Variants in RNPEPL1 observed in about 807,000 individuals in gnomAD.
The protein encoded by RNPEPL1 is arginyl aminopeptidase like 1, also known as aminopeptidase RNPEPL1.
RNPEPL1 carries 46 observed loss-of-function variants against 69.0 expected under a neutral mutation model. That is an observed-to-expected ratio of 0.67 (90% confidence interval 0.53 to 0.85). The LOEUF is 0.85. Among genes scored for constraint, RNPEPL1 ranks in the 40% least tolerant of loss-of-function variants. The probability of loss-of-function intolerance (pLI) is 0.00; values close to 1 mark genes in which losing one functional copy is unlikely to be tolerated. For synonymous variants in RNPEPL1, 525 were observed against 454.1 expected, an observed-to-expected ratio of 1.16 and a Z score of -1.98; for missense variants, 869 against 992.5, an observed-to-expected ratio of 0.88 and a Z score of 1.67.
Position 240,578,028 on chromosome 2 carries a change from A to AG in RNPEPL1, c.*138dup. The stretch of plus-strand genomic sequence containing the variant: ...ACAAGCCCCTCCCCTGGGCTCTCCC[A>AG]GGCAGGGAGAATGGGGAGAGGGACC... On this transcript the variant is annotated 3_prime_UTR_variant, in exon 11 of 11. Transcript: ENST00000270357. 1 of 862,982 alleles carries AG rather than the reference A, an allele frequency of 1.2e-6. No homozygotes were observed. The highest frequency in any genetic ancestry group is 1.6e-6 in the Non-Finnish European group (1 of 608,040). 53.5% of individuals were successfully genotyped at this position (862,982 alleles called of 1,614,324 possible).
chr2:240,573,811 G>C lies in RNPEPL1; in HGVS notation c.858G>C (p.Thr286=). ...RVWAEPCLLP[T]ATSKLSGAVE... ...GGGCCGAGCCATGCCTCCTGCCCAC[G>C]GCCACCAGCAAGCTGTCGGGCGCAG... The change falls in exon 4 of 11, where the codon ACG becomes ACC. Residue 286 remains threonine, a synonymous_variant. Transcript: ENST00000270357. 1.3e-6 allele frequency: 2 copies of C among 1,549,784 alleles called. No individual in the cohort carries two copies. The highest frequency in any genetic ancestry group is 1.7e-6 in the Non-Finnish European group (2 of 1,146,608).
chr2:240,570,678 C>CCCCCA (rs1446358247), intron 1 of RNPEPL1, among the ~76,000 whole-genome samples: 5 of 152,182 alleles, frequency 3.3e-5, no homozygotes, highest in Non-Finnish European at 1.5e-5. Context: ...CATTCCCGCA[C>CCCCCA]CCCCACCCCA....
chr2:240,571,766 C>G (rs927449678), intron 1 of RNPEPL1, among the ~76,000 whole-genome samples: 1 of 151,814 alleles, frequency 6.6e-6, no homozygotes, highest in Non-Finnish European at 1.5e-5. Context: ...CCGCAGCCCC[C>G]GGCCTCCAGG....
In RNPEPL1 at chr2:240,578,145, CCT is replaced by C; in HGVS notation, c.*255_*256del. 2.6e-6 allele frequency: 1 copy of C among 386,366 alleles called. No individual in the cohort carries two copies. Among genetic ancestry groups the C allele is most frequent in the Non-Finnish European group, 4.6e-6 (1 of 216,246 alleles). 23.9% of individuals were successfully genotyped at this position (386,366 alleles called of 1,614,324 possible). ...CTGGGGCCAGCCCGCACACACCATG[CCT>C]CCTGTCTCAACACTGACAGCTGTGC... On this transcript the variant is annotated 3_prime_UTR_variant, in exon 11 of 11. Transcript: ENST00000270357.
chr2:240,568,857 C>G lies in RNPEPL1; in HGVS notation c.271C>G (p.Arg91Gly). Residue 91 changes from arginine to glycine, a missense_variant, in exon 1 of 11, where the codon CGT (arginine) becomes GGT (glycine). Physicochemically the swap from Arg to Gly is moderately radical, Grantham distance 125. This residue lies in a region of RNPEPL1 where 259 missense variants were observed against 201.5 expected (regional missense o/e 1.29). Transcript: ENST00000270357. This position sits in a 1 kb window ranked among gnomAD's most constrained non-coding sequence, Gnocchi z 6.2. ...PALRLHSAAFRRAPAAAAETP... is the reference protein window; with the variant it reads ...PALRLHSAAFGRAPAAAAETP... ...TCTGCGCCTGCACTCAGCCGCCTTC[C>G]GTCGCGCCCCCGCCGCCGCCGCCGA... 8.4e-7 allele frequency: 1 copy of G among 1,197,304 alleles called. No homozygotes were observed. The highest frequency in any genetic ancestry group is 1.0e-6 in the Non-Finnish European group (1 of 960,612). 74.2% of individuals were successfully genotyped at this position (1,197,304 alleles called of 1,614,324 possible). A position where few individuals can be genotyped will look rare whatever the true frequency, so the allele number is the denominator to read the frequency against.
intron 1 of RNPEPL1, among the ~76,000 whole-genome samples, chr2:240,571,974 T>G (rs1204361731): frequency 6.6e-6 from 1 of 152,168 alleles, no homozygotes; most frequent in African/African-American, 2.4e-5. Context: ...ATCAGGAGGC[T>G]CTGGCTTCCC....
Position 240,574,359 on chromosome 2 carries a change from G to A in RNPEPL1, c.1174+11G>A, listed in dbSNP as rs955385915. ...CCACCGAGACCTACGGTGCGGCCAG[G>A]GCCGGGGAGGGCAGCCACGGGGGGC... is the stretch of plus-strand genomic sequence containing the variant. On this transcript the variant is annotated intron_variant, in intron 5 of 10. Coordinates refer to ENST00000270357, the MANE Select transcript of RNPEPL1 (RefSeq NM_018226.6). The A allele has an allele frequency of 1.9e-6, 3 of 1,591,440 alleles. No homozygotes were observed. Among genetic ancestry groups the A allele is most frequent in the Admixed American group, 1.7e-5 (1 of 59,348 alleles).
intron 3 of RNPEPL1, 56 bp downstream of exon 3, chr2:240,573,317 C>T (rs949474535): frequency 3.3e-6 from 5 of 1,503,500 alleles, no homozygotes; most frequent in South Asian, 1.3e-5. Context: ...GAGAGCCCCA[C>T]CGGGGGTCTG....
At chr2:240,571,513 TC>T (rs1372991299) in intron 1 of RNPEPL1, among the ~76,000 whole-genome samples, 3 of 151,922 alleles carry the variant, frequency 2.0e-5, no homozygotes, top group African/African-American at 7.3e-5. Flanking sequence ...AGGGTCCCCC[TC>T]CCAGACTCTG....
chr2:240,568,634 G>A lies in RNPEPL1; in HGVS notation c.48G>A (p.Ala16=), dbSNP rs2093011145. Residue 16 remains alanine (A), a synonymous_variant, in exon 1 of 11, where the codon GCG becomes GCA. Coordinates refer to ENST00000270357, the MANE Select transcript of RNPEPL1 (RefSeq NM_018226.6). This position sits in a 1 kb window ranked among gnomAD's most constrained non-coding sequence, Gnocchi z 6.2. ...CCRQAPGAEA[A]PVRPPPEPPP... ...GCCAGGCGCCCGGCGCCGAGGCCGC[G>A]CCCGTCCGCCCGCCGCCCGAGCCGC... 2.0e-6 allele frequency: 2 copies of A among 995,784 alleles called. No homozygotes were observed. Among genetic ancestry groups the A allele is most frequent in the Non-Finnish European group, 2.4e-6 (2 of 842,258 alleles). 61.7% of individuals were successfully genotyped at this position (995,784 alleles called of 1,614,324 possible). A position where few individuals can be genotyped will look rare whatever the true frequency, so the allele number is the denominator to read the frequency against.
intron 1 of RNPEPL1, among the ~76,000 whole-genome samples, chr2:240,570,749 T>C (rs1252298094): frequency 6.6e-6 from 1 of 152,120 alleles, no homozygotes; most frequent in African/African-American, 2.4e-5. Context: ...GCCTTGTTCC[T>C]TTTCCACCAG....
intron 4 of RNPEPL1, 103 bp from the exon 5 acceptor site, chr2:240,574,010 C>T: frequency 7.2e-7 from 1 of 1,393,666 alleles, no homozygotes. Context: ...GAGCTCACCG[C>T]AGGGGCTGGG....
Position 240,577,045 on chromosome 2 carries a change from G to A in RNPEPL1, c.1884+55G>A. The A allele has an allele frequency of 2.5e-6, 4 of 1,602,430 alleles. No homozygotes were observed. The African/African-American group carries it at 4.0e-5, about 16-fold the overall frequency. ...GGAACGGCCTAGCCGTGCGGACTGG[G>A]AGTCCCACCCGACTCCCTAGTCTGA... On this transcript the variant is annotated intron_variant, in intron 10 of 10. Coordinates refer to ENST00000270357, the MANE Select transcript of RNPEPL1 (RefSeq NM_018226.6).
chr2:240,572,146 C>T (rs1242307475), intron 1 of RNPEPL1, among the ~76,000 whole-genome samples: 1 of 152,262 alleles, frequency 6.6e-6, no homozygotes, highest in Admixed American at 6.5e-5. Context: ...TGGGAGATGC[C>T]CCTATCGGCT....
chr2:240,573,964 T>A, intron 4 of RNPEPL1, 73 bp downstream of exon 4: 4 of 1,427,452 alleles, frequency 2.8e-6, no homozygotes, highest in Non-Finnish European at 3.8e-6. Context: ...GTCTGACCCC[T>A]GGGGTGTCCT....
At position 240,576,722 on chromosome 2, in the gene RNPEPL1, A is replaced by G. The variant is rs1428937695; in HGVS notation, c.1698A>G (p.Ala566=). 5 of 1,612,548 alleles carry G rather than the reference A, an allele frequency of 3.1e-6. No individual in the cohort carries two copies. The African/African-American group carries it at 6.7e-5, about 22-fold the overall frequency. Reference sequence around the variant, plus strand: ...CCAAGTGGAGGACCTTCCAGACAGCACTCTTCCTGGACCGGCTCCTGGATG... The same window carrying G: ...CCAAGTGGAGGACCTTCCAGACAGCGCTCTTCCTGGACCGGCTCCTGGATG... ...DISKWRTFQT[A]LFLDRLLDGS... The change falls in exon 9 of 11, where the codon GCA becomes GCG. Residue 566 remains alanine (A), a synonymous_variant. Coordinates refer to ENST00000270357, the MANE Select transcript of RNPEPL1 (RefSeq NM_018226.6).
chr2:240,572,673 A>AG, intron 2 of RNPEPL1, 110 bp downstream of exon 2: 1 of 1,355,370 alleles, frequency 7.4e-7, no homozygotes, highest in Non-Finnish European at 1.0e-6. Context: ...AGCTGCCAGC[A>AG]GGCCACAGTG....
At chr2:240,575,719 C>T (rs929906401) in intron 8 of RNPEPL1, 109 bp downstream of exon 8, 7 of 806,450 alleles carry the variant, frequency 8.7e-6, no homozygotes, top group African/African-American at 8.5e-5. Context: ...TGTCAGTTCA[C>T]TGTCTGTCCT....
Position 240,569,018 on chromosome 2 carries a change from C to T in RNPEPL1, c.432C>T (p.Asp144=), listed in dbSNP as rs2093013341. 1.3e-6 allele frequency: 2 copies of T among 1,510,388 alleles called. No individual in the cohort carries two copies. Among genetic ancestry groups the T allele is most frequent in the South Asian group, 2.4e-5 (2 of 82,236 alleles). 93.6% of individuals were successfully genotyped at this position (1,510,388 alleles called of 1,614,324 possible). The change falls in exon 1 of 11, where the codon GAC becomes GAT. Residue 144 remains aspartate (D), a synonymous_variant. Transcript: ENST00000270357. ...PLAFRVDPFT[D]YGSSLTVTLP... ...CCTTCAGGGTGGACCCGTTCACCGA[C>T]TACGGCTCCTCGCTCACCGTCACGC... is the stretch of plus-strand genomic sequence containing the variant.
Sources: allele counts gnomAD v4.1 joint callset (sites outside exome capture counted in the v4.1 genomes callset), GRCh38; gene constraint gnomAD v4.1.1; regional missense constraint gnomAD v4.1.1; non-coding constraint Gnocchi (gnomAD v3.1); transcripts MANE v1.5; gene names NCBI Gene and HGNC (gene_info 2026-07-23, HGNC 2026-07-21).